The following PLA2G4E variants were observed in gnomAD, a reference collection of about 807,000 sequenced individuals.
The protein encoded by PLA2G4E is phospholipase A2 group IVE, also known as cytosolic phospholipase A2 epsilon.
Under a neutral mutation model 109.1 loss-of-function variants are expected in PLA2G4E, and 84 were observed. The observed-to-expected ratio is 0.77, with a 90% confidence interval of 0.65 to 0.92. PLA2G4E has a LOEUF of 0.92. PLA2G4E is among the 40% of genes least tolerant of loss of function. PLA2G4E has a pLI of 0.00. For missense variants in PLA2G4E, 1,057 were observed against 1,076.6 expected, an observed-to-expected ratio of 0.98 and a Z score of 0.25; for synonymous variants, 469 against 436.1, an observed-to-expected ratio of 1.08 and a Z score of -0.94.
chr15:42,037,342 C>A (rs916422272), intron 1 of PLA2G4E, among the ~76,000 whole-genome samples: 1 of 152,236 alleles, frequency 6.6e-6, no homozygotes. Flanking sequence ...CCTCGAAGCC[C>A]TGGGCTCAGC....
In PLA2G4E at chr15:42,009,504, G is replaced by A. The variant is rs552012043; in HGVS notation, c.257-1639C>T. Reference sequence around the variant, plus strand: ...ATATGACCATGCCATTCCCCAGTTCGAGATCCTCCAGGGGCTCCCTTCTGC... The same window carrying A: ...ATATGACCATGCCATTCCCCAGTTCAAGATCCTCCAGGGGCTCCCTTCTGC... On this transcript the variant is annotated intron_variant, in intron 2 of 19. Transcript: ENST00000399518. 1.2e-4 allele frequency among the ~76,000 whole-genome samples: 19 copies of A among 152,182 alleles called. No individual in the cohort carries two copies. The East Asian group carries it at 1.6e-3, about 12-fold the overall frequency.
chr15:42,039,954 A>G (rs1256776409), intron 1 of PLA2G4E, among the ~76,000 whole-genome samples: 2 of 152,244 alleles, frequency 1.3e-5, no homozygotes, highest in African/African-American at 4.8e-5. Flanking sequence ...TGTATGCAGA[A>G]AAATGAAAAT....
At position 41,984,681 on chromosome 15, in the gene PLA2G4E, GA is replaced by G. The variant is rs935669111; in HGVS notation, c.2203-63del. The stretch of plus-strand genomic sequence containing the variant: ...GGAGTGGGAGTGGAGGAGAAGCACA[GA>G]GTTCTTAGCCCCAGCTTCCTGATTT... On this transcript the variant is annotated intron_variant, in intron 18 of 19. Coordinates refer to ENST00000399518, the Ensembl canonical transcript of PLA2G4E. 7 of 1,416,112 alleles carry G rather than the reference GA, an allele frequency of 4.9e-6. No homozygotes were observed. In the African/African-American group the frequency reaches 9.9e-5, roughly 20 times the overall value. The allele number at this position is 1,416,112 out of a possible 1,614,324, so 87.7% of individuals were successfully genotyped here.
rs973652135 is a variant in PLA2G4E at position 42,009,601 on chromosome 15, C to T, written c.257-1736G>A. Among the ~76,000 whole-genome samples, 6 of 152,306 alleles carry T rather than the reference C, an allele frequency of 3.9e-5. No individual in the cohort carries two copies. In the South Asian group the frequency reaches 6.2e-4, roughly 16 times the overall value. On this transcript the variant is annotated intron_variant, in intron 2 of 19. Coordinates refer to ENST00000399518, the Ensembl canonical transcript of PLA2G4E. The stretch of plus-strand genomic sequence containing the variant: ...TTCCCCAGCCTCAGTCTCATCTCTC[C>T]ACCCTCCCTAATACCCCACCCCTGC...
At position 41,992,470 on chromosome 15, in the gene PLA2G4E, G is replaced by C. The variant is rs188643817; in HGVS notation, c.1470+267C>G. The stretch of plus-strand genomic sequence containing the variant: ...CCGTTTTTCCCTCACAGGTGTCTTG[G>C]CGTGGCTCTCAGAGGACGTGCTGCC... On this transcript the variant is annotated intron_variant, in intron 13 of 19. Coordinates refer to ENST00000399518, the Ensembl canonical transcript of PLA2G4E. 1.2e-4 allele frequency among the ~76,000 whole-genome samples: 18 copies of C among 152,322 alleles called. No homozygotes were observed. The East Asian group carries it at 3.5e-3, about 29-fold the overall frequency.
At chr15:42,036,921 C>T (rs12898459) in intron 1 of PLA2G4E, among the ~76,000 whole-genome samples, 42,366 of 152,160 alleles carry the variant, frequency 0.28, 6,364 homozygotes, top group Admixed American at 0.35. Context: ...CTGGCTTCTC[C>T]CCGCTGCCGG....
chr15:42,004,004 C>G (rs962533599), intron 5 of PLA2G4E, among the ~76,000 whole-genome samples: 8 of 152,134 alleles, frequency 5.3e-5, no homozygotes, highest in Admixed American at 5.2e-4. Context: ...GATCCTGGAT[C>G]GTTTTCCTAA....
intron 1 of PLA2G4E, among the ~76,000 whole-genome samples, chr15:42,015,660 C>T (rs2068586686): frequency 6.6e-6 from 1 of 152,222 alleles, no homozygotes; most frequent in Non-Finnish European, 1.5e-5. Context: ...CAACAGCGGC[C>T]AGTGGCTTTG....
At chr15:41,985,393 C>A (rs2068124524) in intron 18 of PLA2G4E, among the ~76,000 whole-genome samples, 1 of 152,192 alleles carries the variant, frequency 6.6e-6, no homozygotes, top group Admixed American at 6.5e-5. Context: ...GACAAGTGCC[C>A]TCCTCTCTCG....
chr15:42,040,591 T>C (rs565566516), intron 1 of PLA2G4E, among the ~76,000 whole-genome samples: 2 of 152,368 alleles, frequency 1.3e-5, no homozygotes, highest in South Asian at 2.1e-4. Flanking sequence ...AATACAAGAC[T>C]AATTTGTAAA....
intron 1 of PLA2G4E, among the ~76,000 whole-genome samples, chr15:42,030,460 C>G (rs1781010088): frequency 6.6e-6 from 1 of 152,210 alleles, no homozygotes; most frequent in Non-Finnish European, 1.5e-5. Flanking sequence ...GCTCCCAGAG[C>G]AGGGCACACT....
intron 12 of PLA2G4E, among the ~76,000 whole-genome samples, chr15:41,993,319 GT>G (rs2068282460): frequency 1.3e-5 from 2 of 152,186 alleles, no homozygotes; most frequent in Non-Finnish European, 2.9e-5. Flanking sequence ...TTTCCTGTCT[GT>G]GGAATGGGGA....
chr15:42,044,326 C>T (rs972696461), intron 1 of PLA2G4E, among the ~76,000 whole-genome samples: 13 of 152,044 alleles, frequency 8.6e-5, no homozygotes, highest in African/African-American at 3.1e-4. Context: ...TAGCTACATG[C>T]GGGCTGTGGG....
intron 14 of PLA2G4E, 76 bp from the exon 15 acceptor site, chr15:41,989,628 T>C: frequency 2.0e-6 from 3 of 1,526,504 alleles, no homozygotes; most frequent in Non-Finnish European, 2.7e-6. Context: ...CCCTCCTGCC[T>C]GCAGCCACTG....
intron 10 of PLA2G4E, chr15:41,998,055 G>A (rs2068370252): frequency 6.6e-6 from 1 of 152,200 alleles, no homozygotes; most frequent in African/African-American, 2.4e-5. Flanking sequence ...TCCGGGTCTT[G>A]GCACAGGCCC....
At chr15:42,049,768 TGCCACC>T (rs1358130395) in intron 1 of PLA2G4E, among the ~76,000 whole-genome samples, 3 of 152,134 alleles carry the variant, frequency 2.0e-5, no homozygotes, top group African/African-American at 7.2e-5. Flanking sequence ...CTCAGTCTGG[TGCCACC>T]GCTAAGACCA....
intron 19 of PLA2G4E, 143 bp downstream of exon 19, chr15:41,984,293 C>T: frequency 2.4e-6 from 2 of 839,796 alleles, no homozygotes; most frequent in Non-Finnish European, 3.7e-6. Flanking sequence ...ATGGGAGGCG[C>T]CCTTCTTTGT....
rs80087064 is a variant in PLA2G4E, at chr15:42,013,341, G to A, written c.256+344C>T. ...GCAAGGAGTGCTCCGTGTGGGCAAA[G>A]CGGGTGCTCTTGGAAATCGATTCCA... On this transcript the variant is annotated intron_variant, in intron 2 of 19. Transcript: ENST00000399518. Among the ~76,000 whole-genome samples the A allele has an allele frequency of 8.4e-3, 1,284 of 152,314 alleles. 49 individuals are homozygous for A. The East Asian group carries it at 0.094, about 11-fold the overall frequency.
rs553733082 is a variant in PLA2G4E, at chr15:42,024,953, C to T, written c.184-11196G>A. Among the ~76,000 whole-genome samples the T allele has an allele frequency of 2.6e-5, 4 of 152,206 alleles. No individual in the cohort carries two copies. The East Asian group carries it at 7.8e-4, about 30-fold the overall frequency. ...CGGTGGCTCACGCCTGTAATCCCAG[C>T]ACTTTGGGAGGCTGAGGTGGGTGGA... On this transcript the variant is annotated intron_variant, in intron 1 of 19. Coordinates refer to ENST00000399518, the Ensembl canonical transcript of PLA2G4E.
Sources: allele counts gnomAD v4.1 joint callset (sites outside exome capture counted in the v4.1 genomes callset), GRCh38; gene constraint gnomAD v4.1.1; transcripts MANE v1.5; gene names NCBI Gene and HGNC (gene_info 2026-07-23, HGNC 2026-07-21).